Variants in MYO10 observed in about 807,000 individuals in gnomAD.
The protein encoded by MYO10 is myosin X, also known as unconventional myosin-X.
In MYO10, 133 loss-of-function variants were observed where a neutral mutation model predicts 257.3. That is an observed-to-expected ratio of 0.52 (90% CI 0.45 to 0.60). MYO10 has a LOEUF of 0.60. MYO10 is among the 20% of genes least tolerant of loss of function. The pLI is 0.00. For synonymous variants in MYO10, 1,104 were observed against 1,028.6 expected (o/e 1.07, Z -1.40); for missense variants, 2,399 against 2,635.7 (o/e 0.91, Z 1.97).
chr5:16,897,302 T>TA (rs3060810), intron 1 of MYO10, among the ~76,000 whole-genome samples: 2,822 of 129,054 alleles, frequency 0.022, 40 homozygotes, highest in African/African-American at 0.037. Context: ...TTACACTTCG[T>TA]AAAAAAAAAA....
chr5:16,767,867 G>A (rs190603370), intron 10 of MYO10, among the ~76,000 whole-genome samples: 1,693 of 151,850 alleles, frequency 0.011, 13 homozygotes, highest in Middle Eastern at 0.02. Flanking sequence ...TAGTAGAGAC[G>A]GGGTTTCACC....
At chr5:16,774,660 A>C (rs1477689680) in intron 9 of MYO10, among the ~76,000 whole-genome samples, 1 of 152,096 alleles carries the variant, frequency 6.6e-6, no homozygotes, top group African/African-American at 2.4e-5. Flanking sequence ...TGACCTCATG[A>C]TCTGCCTGCC....
chr5:16,702,721 G>T, intron 23 of MYO10, 133 bp from the exon 24 acceptor site: 1 of 970,564 alleles, frequency 1.0e-6, no homozygotes, highest in South Asian at 1.7e-5. Flanking sequence ...CTCTGGCCAT[G>T]GATTTATTCT....
At chr5:16,667,994 T>A (rs1323213862) in intron 40 of MYO10, among the ~76,000 whole-genome samples, 1 of 152,120 alleles carries the variant, frequency 6.6e-6, no homozygotes, top group Non-Finnish European at 1.5e-5. Flanking sequence ...TTCAGGGACA[T>A]CTATGTCACT....
intron 1 of MYO10, among the ~76,000 whole-genome samples, chr5:16,911,456 G>A (rs1277100433): frequency 6.6e-6 from 1 of 152,142 alleles, no homozygotes; most frequent in East Asian, 1.9e-4. Context: ...ATTTCTGCTG[G>A]GCACTGGGCT....
chr5:16,705,064 C>T (rs1738268145), intron 21 of MYO10, among the ~76,000 whole-genome samples: 1 of 151,770 alleles, frequency 6.6e-6, no homozygotes, highest in Non-Finnish European at 1.5e-5. Context: ...ATTGAGTCTA[C>T]GTAATATGAT....
intron 17 of MYO10, among the ~76,000 whole-genome samples, chr5:16,759,582 AG>A (rs1243707330): frequency 1.3e-5 from 2 of 152,206 alleles, no homozygotes; most frequent in South Asian, 4.1e-4. Flanking sequence ...GGGTTGAGAC[AG>A]GAAGTTCTTT....
intron 1 of MYO10, among the ~76,000 whole-genome samples, chr5:16,921,292 G>A (rs971731529): frequency 2.0e-5 from 3 of 152,024 alleles, no homozygotes; most frequent in Admixed American, 1.3e-4. Flanking sequence ...ACAACTGTCA[G>A]TTTAATTACT....
intron 3 of MYO10, among the ~76,000 whole-genome samples, chr5:16,812,887 G>A (rs1580017208): frequency 6.6e-6 from 1 of 151,714 alleles, no homozygotes; most frequent in Non-Finnish European, 1.5e-5. Context: ...GTGAAGAAAA[G>A]GGAAGATCAA....
chr5:16,836,580 C>T (rs988031252), intron 2 of MYO10, among the ~76,000 whole-genome samples: 17 of 152,174 alleles, frequency 1.1e-4, no homozygotes, highest in Non-Finnish European at 2.2e-4. Context: ...CCCCACCTTG[C>T]GGATATCTGA....
chr5:16,759,419 G>T (rs958669581), intron 17 of MYO10, among the ~76,000 whole-genome samples: 1 of 152,122 alleles, frequency 6.6e-6, no homozygotes. Context: ...GTTCTCGGGT[G>T]CTCTTTAATG....
At chr5:16,911,350 C>A (rs994781353) in intron 1 of MYO10, among the ~76,000 whole-genome samples, 2 of 152,212 alleles carry the variant, frequency 1.3e-5, no homozygotes, top group Admixed American at 1.3e-4. Context: ...AGCAGCACTT[C>A]TTCACCATCT....
chr5:16,698,234 G>A (rs1737850290), intron 26 of MYO10, among the ~76,000 whole-genome samples: 1 of 152,074 alleles, frequency 6.6e-6, no homozygotes, highest in Non-Finnish European at 1.5e-5. Flanking sequence ...ATGATGGTGT[G>A]CGCCTGCAGT....
At chr5:16,741,923 G>A in intron 19 of MYO10, 1 of 985,374 alleles carries the variant, frequency 1.0e-6, no homozygotes, top group Non-Finnish European at 1.2e-6. Context: ...GCTGGCTGGT[G>A]TTCCCAGCCT....
At chr5:16,686,724 A>C (rs1737271756) in intron 28 of MYO10, among the ~76,000 whole-genome samples, 1 of 150,382 alleles carries the variant, frequency 6.6e-6, no homozygotes, top group Non-Finnish European at 1.5e-5. Context: ...ATGGGGTTTC[A>C]CTATGTTGGC....
intron 30 of MYO10, among the ~76,000 whole-genome samples, chr5:16,683,160 C>T (rs1193852637): frequency 1.3e-5 from 2 of 152,172 alleles, no homozygotes; most frequent in African/African-American, 2.4e-5. Flanking sequence ...CAAGGAGGCA[C>T]TATATTTTGT....
At chr5:16,829,879 C>T (rs1490477724) in intron 2 of MYO10, among the ~76,000 whole-genome samples, 3 of 146,126 alleles carry the variant, frequency 2.1e-5, no homozygotes, top group Non-Finnish European at 3.0e-5. Context: ...TTGGAAGGAA[C>T]GGCTAATACA....
chr5:16,757,301 A>AACACACACACAC (rs71595978), intron 18 of MYO10, among the ~76,000 whole-genome samples: 12 of 84,384 alleles, frequency 1.4e-4, no homozygotes, highest in South Asian at 4.1e-4. Flanking sequence ...CACACACACA[A>AACACACACACAC]ACACACACAC....
chr5:16,755,159 A>G (rs1406690021), intron 18 of MYO10, among the ~76,000 whole-genome samples: 1 of 151,840 alleles, frequency 6.6e-6, no homozygotes, highest in Non-Finnish European at 1.5e-5. Flanking sequence ...GTAAAATTCT[A>G]TTTTATTTAT....
Sources: allele counts gnomAD v4.1 joint callset (sites outside exome capture counted in the v4.1 genomes callset), GRCh38; gene constraint gnomAD v4.1.1; transcripts MANE v1.5; gene names NCBI Gene and HGNC (gene_info 2026-07-23, HGNC 2026-07-21).